Variants in DPP6 observed in about 807,000 individuals in gnomAD.
DPP6 encodes the protein A-type potassium channel modulatory protein DPP6.
DPP6 carries 69 observed loss-of-function variants against 122.6 expected under a neutral mutation model. The ratio of observed to expected loss-of-function variants is 0.56; its 90% CI spans 0.46 to 0.69. The LOEUF (loss-of-function observed/expected upper bound fraction) is 0.69, where lower values mean the gene tolerates loss of function less well. Among genes scored for constraint, DPP6 ranks in the 30% least tolerant of loss-of-function variants. The pLI is 0.00. For synonymous variants in DPP6, 418 were observed against 433.1 expected, an observed-to-expected ratio of 0.97 and a Z score of 0.43; for missense variants, 928 against 1,116.9, an observed-to-expected ratio of 0.83 and a Z score of 2.41.
chr7:153,910,080 C>T (rs1169627811), intron 1 of DPP6, among the ~76,000 whole-genome samples: 1 of 152,110 alleles, frequency 6.6e-6, no homozygotes, highest in East Asian at 1.9e-4. Context: ...ATGTGATGCT[C>T]CGTGAATGTA....
intron 1 of DPP6, among the ~76,000 whole-genome samples, chr7:153,898,809 G>A (rs1799518974): frequency 6.6e-6 from 1 of 152,142 alleles, no homozygotes; most frequent in Admixed American, 6.5e-5. Context: ...GGAATCTCAG[G>A]TCTTACCTGA....
chr7:154,114,559 T>C (rs1299508963), intron 1 of DPP6, among the ~76,000 whole-genome samples: 1 of 152,154 alleles, frequency 6.6e-6, no homozygotes, highest in Non-Finnish European at 1.5e-5. Context: ...AGTTTTCTCA[T>C]CTTAAGCAGG....
At chr7:154,152,391 C>T (rs1369916534) in intron 1 of DPP6, among the ~76,000 whole-genome samples, 1 of 152,164 alleles carries the variant, frequency 6.6e-6, no homozygotes, top group East Asian at 1.9e-4. Flanking sequence ...TCTCTGGACC[C>T]TCTGTCTCCC....
intron 4 of DPP6, among the ~76,000 whole-genome samples, chr7:154,560,519 T>A (rs1830353733): frequency 2.6e-5 from 4 of 152,184 alleles, no homozygotes; most frequent in Admixed American, 2.6e-4. Flanking sequence ...TATATTTTGT[T>A]TAAAAGGAAA....
At chr7:154,392,508 G>C (rs188474209) in intron 1 of DPP6, among the ~76,000 whole-genome samples, 78 of 152,310 alleles carry the variant, frequency 5.1e-4, no homozygotes, top group African/African-American at 1.7e-3. Context: ...CCGGTGTTCA[G>C]TGAGAGGTGG....
chr7:154,205,985 T>C (rs4546561), intron 1 of DPP6, among the ~76,000 whole-genome samples: 127,392 of 152,000 alleles, frequency 0.84, 53,473 homozygotes, highest in Non-Finnish European at 0.85. Flanking sequence ...TGCCTGAGGC[T>C]GGCCTCCACA....
chr7:154,569,988 T>C (rs1831010119), intron 5 of DPP6, among the ~76,000 whole-genome samples: 1 of 151,892 alleles, frequency 6.6e-6, no homozygotes, highest in Non-Finnish European at 1.5e-5. Context: ...ACCCAATGAA[T>C]GTCAGCTCTC....
chr7:154,109,065 C>T (rs1471138286), intron 1 of DPP6, among the ~76,000 whole-genome samples: 1 of 152,218 alleles, frequency 6.6e-6, no homozygotes, highest in Non-Finnish European at 1.5e-5. Flanking sequence ...TACAGGAAAA[C>T]GTCTAGAGCT....
chr7:153,867,732 T>A, the DPP6 span, among the ~76,000 whole-genome samples: 5 of 152,276 alleles, frequency 3.3e-5, no homozygotes, highest in Admixed American at 3.3e-4. Context: ...TTGTGCCGGT[T>A]TTCAAAGGGA....
chr7:153,945,162 G>A (rs1406644094), intron 1 of DPP6, among the ~76,000 whole-genome samples: 2 of 152,150 alleles, frequency 1.3e-5, no homozygotes, highest in East Asian at 1.9e-4. Context: ...AACAACTGCT[G>A]CTCTGTGTGT....
At chr7:154,580,691 T>G (rs1450525736) in intron 5 of DPP6, among the ~76,000 whole-genome samples, 1 of 152,058 alleles carries the variant, frequency 6.6e-6, no homozygotes, top group Non-Finnish European at 1.5e-5. Flanking sequence ...ACAAGAGGCT[T>G]GAGTCAGGGA....
intron 1 of DPP6, among the ~76,000 whole-genome samples, chr7:154,356,743 G>A (rs1057438569): frequency 6.6e-6 from 1 of 152,032 alleles, no homozygotes; most frequent in Non-Finnish European, 1.5e-5. Context: ...ACATTTTCCT[G>A]CAAATGTTTC....
At chr7:154,305,821 A>G (rs1806291231) in intron 1 of DPP6, among the ~76,000 whole-genome samples, 1 of 152,114 alleles carries the variant, frequency 6.6e-6, no homozygotes, top group Non-Finnish European at 1.5e-5. Context: ...GTACAGGCAC[A>G]GGGAACCTCT....
At chr7:154,433,467 C>T (rs560780967) in intron 1 of DPP6, among the ~76,000 whole-genome samples, 4 of 151,924 alleles carry the variant, frequency 2.6e-5, no homozygotes, top group Non-Finnish European at 5.9e-5. Flanking sequence ...CCTCGCCCGG[C>T]CTCATACTTC....
At chr7:154,501,296 A>G (rs1259962712) in intron 3 of DPP6, among the ~76,000 whole-genome samples, 1 of 150,252 alleles carries the variant, frequency 6.7e-6, no homozygotes, top group African/African-American at 2.5e-5. Context: ...AGCCAGCTGC[A>G]GACATTTGCA....
chr7:154,477,269 G>C (rs10278614), intron 3 of DPP6, among the ~76,000 whole-genome samples: 1 of 151,310 alleles, frequency 6.6e-6, no homozygotes, highest in Non-Finnish European at 1.5e-5. Flanking sequence ...ACCACCACCA[G>C]CAGCACCAGC....
chr7:154,576,578 A>C (rs1831688338), intron 5 of DPP6, among the ~76,000 whole-genome samples: 1 of 152,080 alleles, frequency 6.6e-6, no homozygotes, highest in African/African-American at 2.4e-5. Context: ...ATTCCCCCCA[A>C]ATTTTGAGAT....
chr7:153,853,080 G>A, the DPP6 span, among the ~76,000 whole-genome samples: 1 of 152,154 alleles, frequency 6.6e-6, no homozygotes, highest in African/African-American at 2.4e-5. Flanking sequence ...ATACAGCTCT[G>A]TTGTTTCAGC....
At chr7:153,853,944 G>A in the DPP6 span, among the ~76,000 whole-genome samples, 1 of 149,542 alleles carries the variant, frequency 6.7e-6, no homozygotes, top group Non-Finnish European at 1.5e-5. Flanking sequence ...GAATGGTCAT[G>A]CCTAGGTTTT....
Sources: allele counts gnomAD v4.1 joint callset (sites outside exome capture counted in the v4.1 genomes callset), GRCh38; gene constraint gnomAD v4.1.1; transcripts MANE v1.5; gene names NCBI Gene and HGNC (gene_info 2026-07-23, HGNC 2026-07-21).